TACR3: variants seen among roughly 807,000 people sequenced by gnomAD.
TACR3 encodes tachykinin receptor 3.
Under a neutral mutation model 35.0 loss-of-function variants are expected in TACR3, and 34 were observed. That is an observed-to-expected ratio of 0.97 (90% CI 0.74 to 1.30). TACR3 has a LOEUF of 1.30. Ranked by LOEUF, TACR3 falls within the 50% of genes most tolerant of loss-of-function variation. The probability of loss-of-function intolerance (pLI) is 0.00; values close to 1 mark genes in which losing one functional copy is unlikely to be tolerated. For synonymous variants in TACR3, 233 were observed against 221.1 expected, an observed-to-expected ratio of 1.05 and a Z score of -0.48; for missense variants, 558 against 591.7, an observed-to-expected ratio of 0.94 and a Z score of 0.59.
chr4:103,697,017 G>A (rs966132417), intron 1 of TACR3, among the ~76,000 whole-genome samples: 1 of 152,116 alleles, frequency 6.6e-6, no homozygotes, highest in Non-Finnish European at 1.5e-5. Flanking sequence ...AGTCTCAGTT[G>A]ATCCTCCCAT....
At chr4:103,698,396 C>T (rs2110221394) in intron 1 of TACR3, among the ~76,000 whole-genome samples, 1 of 146,712 alleles carries the variant, frequency 6.8e-6, no homozygotes, top group African/African-American at 2.8e-5. Flanking sequence ...TATTTATGCT[C>T]ATTTGAAAAG....
At chr4:103,666,207 G>T (rs772992235) in intron 1 of TACR3, among the ~76,000 whole-genome samples, 1 of 152,136 alleles carries the variant, frequency 6.6e-6, no homozygotes, top group East Asian at 1.9e-4. Flanking sequence ...ATTAGACCTC[G>T]TCTTGGTTAT....
intron 3 of TACR3, among the ~76,000 whole-genome samples, chr4:103,602,773 G>A (rs1724240424): frequency 6.6e-6 from 1 of 152,152 alleles, no homozygotes; most frequent in Non-Finnish European, 1.5e-5. Flanking sequence ...GGAGTACCAG[G>A]CCATGTGAGG....
chr4:103,658,797 C>T (rs7681779), intron 1 of TACR3, among the ~76,000 whole-genome samples: 62,095 of 151,800 alleles, frequency 0.41, 14,686 homozygotes, highest in African/African-American at 0.66. Context: ...GGTGAGGGAG[C>T]GATGGTGTGG....
At chr4:103,616,863 G>A (rs919007901) in intron 3 of TACR3, among the ~76,000 whole-genome samples, 1 of 152,126 alleles carries the variant, frequency 6.6e-6, no homozygotes, top group Non-Finnish European at 1.5e-5. Flanking sequence ...TGGGCATGTC[G>A]ATTAAGCCCA....
intron 3 of TACR3, among the ~76,000 whole-genome samples, chr4:103,637,684 G>T (rs949100174): frequency 5.9e-5 from 9 of 152,252 alleles, no homozygotes; most frequent in African/African-American, 1.9e-4. Flanking sequence ...TGTATATCTA[G>T]AAAACCCCAT....
chr4:103,688,324 G>A (rs1178905928), intron 1 of TACR3, among the ~76,000 whole-genome samples: 5 of 152,180 alleles, frequency 3.3e-5, no homozygotes, highest in Non-Finnish European at 5.9e-5. Flanking sequence ...TTGCCATTCA[G>A]GACACTGGCA....
chr4:103,701,966 A>G (rs376478538), intron 1 of TACR3, among the ~76,000 whole-genome samples: 2 of 152,178 alleles, frequency 1.3e-5, no homozygotes, highest in Non-Finnish European at 2.9e-5. Context: ...AACCTAGGCA[A>G]TACCATTCAG....
intron 1 of TACR3, among the ~76,000 whole-genome samples, chr4:103,687,741 T>C (rs1412411093): frequency 6.6e-6 from 1 of 151,952 alleles, no homozygotes; most frequent in Non-Finnish European, 1.5e-5. Context: ...CTCAATGAAA[T>C]AAAAGAGGAT....
At chr4:103,618,539 C>T (rs1724707041) in intron 3 of TACR3, among the ~76,000 whole-genome samples, 1 of 86,300 alleles carries the variant, frequency 1.2e-5, no homozygotes, top group Non-Finnish European at 2.3e-5. Context: ...GTTCTTTTTG[C>T]TTAGGATTGC....
At chr4:103,666,363 A>C (rs1299080107) in intron 1 of TACR3, among the ~76,000 whole-genome samples, 1 of 152,176 alleles carries the variant, frequency 6.6e-6, no homozygotes, top group Non-Finnish European at 1.5e-5. Context: ...AGGAGAAAGC[A>C]GAGTGCATTT....
chr4:103,643,211 G>A lies in TACR3; in HGVS notation c.888+12983C>T, dbSNP rs568472865. Among the ~76,000 whole-genome samples the A allele has an allele frequency of 5.9e-4, 90 of 151,902 alleles. No individual in the cohort carries two copies. In the South Asian group the frequency reaches 0.016, roughly 27 times the overall value. On this transcript the variant is annotated intron_variant, in intron 3 of 4. Coordinates refer to ENST00000304883, the MANE Select transcript of TACR3 (RefSeq NM_001059.3). ...TAAAATAAAATAAACTTATTCATTT[G>A]TTTGTATTAGCCATACTTCAAGTGT...
At chr4:103,660,893 G>A (rs891425600) in intron 1 of TACR3, among the ~76,000 whole-genome samples, 4 of 151,898 alleles carry the variant, frequency 2.6e-5, no homozygotes, top group African/African-American at 9.7e-5. Flanking sequence ...CATAATGTAT[G>A]TAATAGGGTT....
In TACR3 at chr4:103,587,670, T is replaced by G. The variant is rs1689721226; in HGVS notation, c.*2012A>C. The G allele has an allele frequency of 6.6e-6, 1 of 152,112 alleles. No individual in the cohort carries two copies. The allele number at this position is 152,112 out of a possible 1,614,324, so 9.4% of individuals were successfully genotyped here. ...ATATGGTTCCATATGTCTAAAACAT[T>G]AATTAATGCTAGTACCATATCATTC... On this transcript the variant is annotated 3_prime_UTR_variant, in exon 5 of 5. Coordinates refer to ENST00000304883, the MANE Select transcript of TACR3 (RefSeq NM_001059.3).
intron 1 of TACR3, among the ~76,000 whole-genome samples, chr4:103,659,112 C>G (rs984711164): frequency 6.6e-6 from 1 of 152,146 alleles, no homozygotes; most frequent in Non-Finnish European, 1.5e-5. Flanking sequence ...GGCAGTAATG[C>G]AGCACTGGGG....
intron 3 of TACR3, among the ~76,000 whole-genome samples, chr4:103,633,359 A>T (rs1725109333): frequency 6.6e-6 from 1 of 152,100 alleles, no homozygotes; most frequent in African/African-American, 2.4e-5. Flanking sequence ...GAATAAAGTA[A>T]CAGAGCCCCA....
chr4:103,701,415 G>C lies in TACR3; in HGVS notation c.548+17713C>G, dbSNP rs1295914353. Among the ~76,000 whole-genome samples, 42 of 151,764 alleles carry C rather than the reference G, an allele frequency of 2.8e-4. 6 individuals carry two copies. Among genetic ancestry groups the C allele is most frequent in the Admixed American group, 2.6e-3 (39 of 15,230 alleles). On this transcript the variant is annotated intron_variant, in intron 1 of 4. Transcript: ENST00000304883. Reference sequence around the variant, plus strand: ...AAATAAAAGAGGATACAAACAAATGGAAGAACATTCCATGCTCATGGGTAG... The same window carrying C: ...AAATAAAAGAGGATACAAACAAATGCAAGAACATTCCATGCTCATGGGTAG...
intron 1 of TACR3, among the ~76,000 whole-genome samples, chr4:103,717,922 CT>C (rs1723126431): frequency 6.6e-6 from 1 of 152,054 alleles, no homozygotes; most frequent in East Asian, 1.9e-4. Context: ...ATTTTAGAGG[CT>C]TTTTAAAAAG....
At chr4:103,712,914 A>G (rs1723003423) in intron 1 of TACR3, among the ~76,000 whole-genome samples, 1 of 152,204 alleles carries the variant, frequency 6.6e-6, no homozygotes. Context: ...GCAAATCAAA[A>G]CCACAATGAC....
Sources: allele counts gnomAD v4.1 joint callset (sites outside exome capture counted in the v4.1 genomes callset), GRCh38; gene constraint gnomAD v4.1.1; transcripts MANE v1.5; gene names NCBI Gene and HGNC (gene_info 2026-07-23, HGNC 2026-07-21).